The following NOC3L variants were observed in gnomAD, a reference collection of about 807,000 sequenced individuals.
The protein encoded by NOC3L is nucleolar complex protein 3 homolog.
Under a neutral mutation model 102.5 loss-of-function variants are expected in NOC3L, and 85 were observed. The observed-to-expected ratio is 0.83, with a 90% CI of 0.70 to 0.99. The LOEUF is 0.99. Ranked by LOEUF, NOC3L falls within the 50% of genes least tolerant of loss-of-function variation. The probability of loss-of-function intolerance (pLI) is 0.00; values close to 1 mark genes in which losing one functional copy is unlikely to be tolerated. For missense variants in NOC3L, 878 were observed against 914.9 expected, an observed-to-expected ratio of 0.96 and a Z score of 0.52; for synonymous variants, 303 against 309.4, an observed-to-expected ratio of 0.98 and a Z score of 0.22.
At chr10:94,353,117 GACA>G in intron 6 of NOC3L, 60 bp from the exon 7 acceptor site, 1 of 1,396,720 alleles carries the variant, frequency 7.2e-7, no homozygotes, top group East Asian at 2.3e-5. Context: ...ATGAACAAAA[GACA>G]ACAGCCCCAC....
At chr10:94,336,599 C>G (rs868397942) in intron 19 of NOC3L, among the ~76,000 whole-genome samples, 1 of 151,708 alleles carries the variant, frequency 6.6e-6, no homozygotes, top group Admixed American at 6.6e-5. Context: ...CCACCCGCAT[C>G]GGCCTCCCAA....
the NOC3L span, among the ~76,000 whole-genome samples, chr10:94,320,243 T>C: frequency 6.6e-6 from 1 of 152,036 alleles, no homozygotes; most frequent in Admixed American, 6.5e-5. Flanking sequence ...AAAGAGACAA[T>C]AGCTCATCTC....
At chr10:94,356,431 T>A in intron 5 of NOC3L, 104 bp downstream of exon 5, 1 of 734,152 alleles carries the variant, frequency 1.4e-6, no homozygotes, top group East Asian at 2.6e-5. Flanking sequence ...AAATGAGCAG[T>A]ACTCCAAAAT....
At chr10:94,350,716 CAAA>C (rs201167962) in intron 8 of NOC3L, among the ~76,000 whole-genome samples, 3 of 62,618 alleles carry the variant, frequency 4.8e-5, no homozygotes, top group Non-Finnish European at 6.8e-5. Flanking sequence ...GACATCGTCT[CAAA>C]AAAAAAAAAA....
intron 8 of NOC3L, among the ~76,000 whole-genome samples, chr10:94,350,966 G>A (rs1489513420): frequency 6.6e-6 from 1 of 151,866 alleles, no homozygotes; most frequent in Non-Finnish European, 1.5e-5. Flanking sequence ...TTTATTACAT[G>A]TTGAAATGAT....
Position 94,346,547 on chromosome 10 carries a change from T to C in NOC3L, c.1267A>G (p.Thr423Ala). ...TCCTTGATTCTTAGGCATAAAAATGTTTTTAACATCTAATATTGGAAAAAA... is the reference window on the plus strand; with the variant it reads ...TCCTTGATTCTTAGGCATAAAAATGCTTTTAACATCTAATATTGGAAAAAA... ...NYEVRPEMLK[T>A]FLCLRIKEVE... Residue 423 changes from threonine (T) to alanine (A), a missense_variant, in exon 11 of 21, where the codon ACA becomes GCA. Coordinates refer to ENST00000371361, the MANE Select transcript of NOC3L (RefSeq NM_022451.11). The C allele has an allele frequency of 5.7e-6, 8 of 1,400,854 alleles. No homozygotes were observed. The highest frequency in any genetic ancestry group is 7.6e-6 in the Non-Finnish European group (8 of 1,047,144). 86.8% of individuals were successfully genotyped at this position (1,400,854 alleles called of 1,614,324 possible). A position where few individuals can be genotyped will look rare whatever the true frequency, so the allele number is the denominator to read the frequency against.
At position 94,342,773 on chromosome 10, in the gene NOC3L, T is replaced by C. The variant is rs551523873; in HGVS notation, c.1572-1028A>G. 4.1e-5 allele frequency among the ~76,000 whole-genome samples: 6 copies of C among 147,600 alleles called. No homozygotes were observed. In the South Asian group the frequency reaches 1.3e-3, roughly 32 times the overall value. On this transcript the variant is annotated intron_variant, in intron 13 of 20. Coordinates refer to ENST00000371361, the MANE Select transcript of NOC3L (RefSeq NM_022451.11). Reference sequence around the variant, plus strand: ...AAGTTACAGGACACTAAACATAGCATGATTCCATTTGCATGAAAGATGGCA... The same window carrying C: ...AAGTTACAGGACACTAAACATAGCACGATTCCATTTGCATGAAAGATGGCA...
chr10:94,324,656 GGAGAA>G, the NOC3L span: 1 of 1,178,698 alleles, frequency 8.5e-7, no homozygotes, highest in African/African-American at 1.5e-5. Flanking sequence ...GTGAAATTTA[GGAGAA>G]AGTTCCTGAG....
intron 1 of NOC3L, chr10:94,362,088 G>C (rs1171662377): frequency 6.6e-6 from 4 of 603,198 alleles, no homozygotes; most frequent in Non-Finnish European, 1.2e-5. Flanking sequence ...GCAATTCAAA[G>C]GGTTCTACGA....
At chr10:94,339,479 T>C (rs1032054970) in intron 17 of NOC3L, among the ~76,000 whole-genome samples, 3 of 152,188 alleles carry the variant, frequency 2.0e-5, no homozygotes, top group Non-Finnish European at 2.9e-5. Flanking sequence ...TGTATGTGTT[T>C]ATATATGAAC....
chr10:94,352,179 TG>T (rs2054427063), intron 8 of NOC3L, 130 bp downstream of exon 8: 2 of 546,270 alleles, frequency 3.7e-6, no homozygotes, highest in Admixed American at 3.7e-5. Context: ...ATTTGACCCC[TG>T]GAAGTCTGAC....
chr10:94,326,570 A>G, the NOC3L span, among the ~76,000 whole-genome samples: 2 of 152,258 alleles, frequency 1.3e-5, no homozygotes, highest in Admixed American at 6.5e-5. Flanking sequence ...CTCTACATAT[A>G]AAGAGCCCGA....
chr10:94,316,578 T>C, the NOC3L span: 20 of 1,608,986 alleles, frequency 1.2e-5, no homozygotes, highest in East Asian at 3.3e-4. Flanking sequence ...ATCAAACCTG[T>C]TACCACAGAC....
chr10:94,324,730 T>C, the NOC3L span, among the ~76,000 whole-genome samples: 1 of 152,068 alleles, frequency 6.6e-6, no homozygotes, highest in African/African-American at 2.4e-5. Flanking sequence ...TGAAAAAACA[T>C]GTGGCCGAGC....
intron 4 of NOC3L, 41 bp downstream of exon 4, chr10:94,357,133 G>A: frequency 7.3e-7 from 1 of 1,374,218 alleles, no homozygotes; most frequent in Non-Finnish European, 9.7e-7. Flanking sequence ...ATCAGTAAGG[G>A]GGTAAAAGTT....
chr10:94,322,154 T>G, the NOC3L span: 1 of 1,197,280 alleles, frequency 8.4e-7, no homozygotes, highest in Non-Finnish European at 1.2e-6. Flanking sequence ...ATGAGTGAAG[T>G]TCCTCAACAA....
chr10:94,341,802 A>AGGG, intron 13 of NOC3L, 57 bp from the exon 14 acceptor site: 1 of 1,017,144 alleles, frequency 9.8e-7, no homozygotes, highest in East Asian at 2.5e-5. Context: ...AAGCTGGTAG[A>AGGG]AATTAAGCTT....
At chr10:94,349,961 T>C in intron 9 of NOC3L, 152 bp downstream of exon 9, 3 of 607,038 alleles carry the variant, frequency 4.9e-6, no homozygotes, top group Non-Finnish European at 8.6e-6. Context: ...GGTTTCACCA[T>C]GTTAGCTGGG....
At chr10:94,324,373 T>C in the NOC3L span, 1 of 1,614,134 alleles carries the variant, frequency 6.2e-7, no homozygotes, top group Non-Finnish European at 8.5e-7. Context: ...CAAATATTCC[T>C]ACAGCATCCT....
Sources: gnomAD v4.1 joint callset for allele counts (sites outside exome capture counted in the v4.1 genomes callset) on GRCh38, gnomAD v4.1.1 for gene constraint, MANE v1.5 for transcripts, NCBI Gene and HGNC (gene_info 2026-07-23, HGNC 2026-07-21) for gene names.